PDE4D: variants seen among roughly 807,000 people sequenced by gnomAD.
The protein encoded by PDE4D is phosphodiesterase 4D.
In PDE4D, 24 loss-of-function variants were observed where a neutral mutation model predicts 87.4. The ratio of observed to expected loss-of-function variants is 0.27; its 90% CI spans 0.20 to 0.39. The LOEUF (loss-of-function observed/expected upper bound fraction) is 0.39, where lower values mean the gene tolerates loss of function less well. PDE4D is among the 10% of genes least tolerant of loss of function. The pLI, the probability that PDE4D is intolerant of heterozygous loss-of-function variation, is 1.00. For missense variants in PDE4D, 714 were observed against 1,041.0 expected (o/e 0.69, Z 4.32); for synonymous variants, 384 against 383.2 (o/e 1.00, Z -0.02).
At chr5:59,849,449 TG>T (rs1405114401) in intron 1 of PDE4D, among the ~76,000 whole-genome samples, 13 of 152,098 alleles carry the variant, frequency 8.5e-5, no homozygotes, top group African/African-American at 2.6e-4. Flanking sequence ...CATGTAGAAA[TG>T]TGCTCTGTGT....
chr5:59,917,215 T>C (rs1477922669), intron 3 of PDE4D, among the ~76,000 whole-genome samples: 1 of 152,106 alleles, frequency 6.6e-6, no homozygotes, highest in Non-Finnish European at 1.5e-5. Flanking sequence ...AGCAAATTTA[T>C]GTAGAGCATG....
At chr5:59,358,242 A>T (rs1250792764) in intron 1 of PDE4D, among the ~76,000 whole-genome samples, 1 of 152,182 alleles carries the variant, frequency 6.6e-6, no homozygotes. Flanking sequence ...CCTCTTTCTT[A>T]TCAGACATGA....
At chr5:59,280,938 C>T (rs904967649) in intron 1 of PDE4D, among the ~76,000 whole-genome samples, 2 of 152,118 alleles carry the variant, frequency 1.3e-5, no homozygotes, top group African/African-American at 2.4e-5. Context: ...AGGAGAAGGA[C>T]GCTGAAGGTC....
chr5:59,631,721 A>G (rs1230675607), intron 1 of PDE4D, among the ~76,000 whole-genome samples: 4 of 152,198 alleles, frequency 2.6e-5, no homozygotes, highest in African/African-American at 9.7e-5. Context: ...CAGCCCAGAT[A>G]CTATGCTTTT....
chr5:59,878,712 C>T (rs1418605864), intron 1 of PDE4D, among the ~76,000 whole-genome samples: 4 of 151,958 alleles, frequency 2.6e-5, no homozygotes, highest in African/African-American at 9.7e-5. Flanking sequence ...ATCATTTCCA[C>T]TTTTAAAAAA....
chr5:59,298,998 A>T (rs1454529224), intron 1 of PDE4D, among the ~76,000 whole-genome samples: 3 of 152,242 alleles, frequency 2.0e-5, no homozygotes, highest in Non-Finnish European at 1.5e-5. Context: ...AGAAGCATTC[A>T]TTCAAAATAC....
At chr5:60,120,703 A>C (rs1778596237) in intron 2 of PDE4D, among the ~76,000 whole-genome samples, 1 of 152,080 alleles carries the variant, frequency 6.6e-6, no homozygotes. Flanking sequence ...CTGCCTGGCG[A>C]AGTTTATACT....
At chr5:60,059,793 T>G (rs772928749) in intron 2 of PDE4D, among the ~76,000 whole-genome samples, 1 of 151,976 alleles carries the variant, frequency 6.6e-6, no homozygotes, top group Non-Finnish European at 1.5e-5. Flanking sequence ...TAGAGAAATA[T>G]TTGAGGATTC....
At chr5:60,291,901 G>T (rs752241844) in intron 1 of PDE4D, among the ~76,000 whole-genome samples, 6 of 152,016 alleles carry the variant, frequency 3.9e-5, no homozygotes, top group Non-Finnish European at 8.8e-5. Context: ...TGCAATATGG[G>T]AAAATGACCA....
At chr5:60,330,924 C>T (rs916926056) in intron 1 of PDE4D, among the ~76,000 whole-genome samples, 2 of 152,060 alleles carry the variant, frequency 1.3e-5, no homozygotes, top group African/African-American at 4.8e-5. Context: ...CTGTCCCTTT[C>T]AGTATATTTG....
At chr5:59,151,655 T>C (rs6886854) in intron 5 of PDE4D, among the ~76,000 whole-genome samples, 40,403 of 152,012 alleles carry the variant, frequency 0.27, 5,932 homozygotes, top group African/African-American at 0.38. Flanking sequence ...TAGTGGAACA[T>C]ACCCTCACTT....
chr5:59,576,952 T>C (rs111968518), intron 1 of PDE4D, among the ~76,000 whole-genome samples: 55 of 152,306 alleles, frequency 3.6e-4, no homozygotes, highest in Non-Finnish European at 5.9e-4. Context: ...ACTACGGTTT[T>C]CTCAATTTGC....
At chr5:59,505,028 AT>A (rs1419947229) in intron 1 of PDE4D, among the ~76,000 whole-genome samples, 1 of 151,682 alleles carries the variant, frequency 6.6e-6, no homozygotes, top group African/African-American at 2.4e-5. Context: ...TTTGAACCAT[AT>A]TTTGGGTGGA....
intron 2 of PDE4D, among the ~76,000 whole-genome samples, chr5:60,128,024 C>T (rs1476019052): frequency 6.6e-6 from 1 of 152,080 alleles, no homozygotes; most frequent in Admixed American, 6.6e-5. Flanking sequence ...AGGAAGAGGT[C>T]CTGTGAGGAC....
chr5:60,420,549 A>C (rs759434724), intron 1 of PDE4D, among the ~76,000 whole-genome samples: 1 of 152,212 alleles, frequency 6.6e-6, no homozygotes, highest in Non-Finnish European at 1.5e-5. Flanking sequence ...TATGCAATAA[A>C]AAATCACCAG....
chr5:59,821,237 G>GCAACAA (rs71606606), intron 1 of PDE4D, among the ~76,000 whole-genome samples: 6,575 of 148,962 alleles, frequency 0.044, 195 homozygotes, highest in East Asian at 0.086. Context: ...TGTCTCAACA[G>GCAACAA]CAACAACAAC....
Position 58,992,013 on chromosome 5 carries a change from AT to A in PDE4D, c.1016-10del. ...CACTTCATGTTGCTTATCTTGAGAA[AT>A]TTAGAAAATGTTCTATATTTATTAT... On this transcript the variant is annotated splice_polypyrimidine_tract_variant and intron_variant, in intron 7 of 14. Coordinates refer to ENST00000340635, the MANE Select transcript of PDE4D (RefSeq NM_001104631.2). The A allele has an allele frequency of 6.6e-7, 1 of 1,506,798 alleles. No homozygotes were observed. The allele number at this position is 1,506,798 out of a possible 1,614,324, so 93.3% of individuals were successfully genotyped here.
chr5:59,994,248 AGAGG>A lies in PDE4D; in HGVS notation c.43-5535_43-5532del, dbSNP rs1393071673. 3.8e-4 allele frequency among the ~76,000 whole-genome samples: 58 copies of A among 151,922 alleles called. No individual in the cohort carries two copies. The East Asian group carries it at 0.011, about 28-fold the overall frequency. On this transcript the variant is annotated intron_variant, in intron 2 of 16. Transcript: ENST00000502484. ...TGATATTTATTTCATATATATATAG[AGAGG>A]GGGGAGAAATAAAATTTCTATAAGA...
intron 2 of PDE4D, among the ~76,000 whole-genome samples, chr5:60,116,623 G>A (rs1260331955): frequency 6.6e-6 from 1 of 151,920 alleles, no homozygotes; most frequent in Non-Finnish European, 1.5e-5. Flanking sequence ...AAAATAATTG[G>A]GTTAATGAGA....
Sources: allele counts gnomAD v4.1 joint callset (sites outside exome capture counted in the v4.1 genomes callset), GRCh38; gene constraint gnomAD v4.1.1; transcripts MANE v1.5; gene names NCBI Gene and HGNC (gene_info 2026-07-23, HGNC 2026-07-21).